The following RASEF variants were observed in gnomAD, a reference collection of about 807,000 sequenced individuals.
The protein encoded by RASEF is ras and EF-hand domain-containing protein.
RASEF carries 68 observed loss-of-function variants against 90.1 expected under a neutral mutation model. The observed-to-expected ratio is 0.75, with a 90% CI of 0.62 to 0.92. RASEF has a LOEUF of 0.92. Ranked by LOEUF, RASEF falls within the 40% of genes least tolerant of loss-of-function variation. RASEF has a pLI of 0.00. For synonymous variants in RASEF, 331 were observed against 345.2 expected, an observed-to-expected ratio of 0.96 and a Z score of 0.46; for missense variants, 949 against 937.2, an observed-to-expected ratio of 1.01 and a Z score of -0.16.
intron 1 of RASEF, among the ~76,000 whole-genome samples, chr9:83,039,512 C>G (rs1304529019): frequency 6.6e-6 from 1 of 152,144 alleles, no homozygotes; most frequent in African/African-American, 2.4e-5. Flanking sequence ...AAGAAGGCAA[C>G]AGTGTGAAGG....
intron 1 of RASEF, chr9:83,054,688 G>T (rs1227126839): frequency 2.9e-5 from 4 of 139,418 alleles, no homozygotes; most frequent in Non-Finnish European, 6.2e-5. Context: ...ATCTACTTTT[G>T]GTCTTTGATG....
the RASEF span, among the ~76,000 whole-genome samples, chr9:83,136,112 CAAT>C: frequency 6.6e-6 from 1 of 151,776 alleles, no homozygotes; most frequent in African/African-American, 2.4e-5. Context: ...TATATAAAAA[CAAT>C]AACAGTAAGA....
At chr9:83,079,232 A>T in the RASEF span, among the ~76,000 whole-genome samples, 3,140 of 152,160 alleles carry the variant, frequency 0.021, 89 homozygotes, top group African/African-American at 0.071. Flanking sequence ...TTTTGTATAG[A>T]GTGTAAGGAA....
chr9:83,121,311 A>G, the RASEF span, among the ~76,000 whole-genome samples: 1 of 152,222 alleles, frequency 6.6e-6, no homozygotes, highest in East Asian at 1.9e-4. Context: ...ATATCTAGAT[A>G]TGTTTCTATG....
At chr9:83,089,907 TAGATAGATAGATA>T in the RASEF span, among the ~76,000 whole-genome samples, 3 of 139,146 alleles carry the variant, frequency 2.2e-5, no homozygotes, top group Non-Finnish European at 4.9e-5. Context: ...GATAGATAGA[TAGATAGATAGATA>T]GATAGATAGA....
At chr9:83,032,801 G>A (rs1829670570) in intron 1 of RASEF, among the ~76,000 whole-genome samples, 1 of 152,248 alleles carries the variant, frequency 6.6e-6, no homozygotes, top group African/African-American at 2.4e-5. Context: ...TACCTAAGAT[G>A]TATAAAACTT....
chr9:83,085,864 G>T, the RASEF span, among the ~76,000 whole-genome samples: 1 of 152,098 alleles, frequency 6.6e-6, no homozygotes, highest in Non-Finnish European at 1.5e-5. Context: ...AGTGGAGGTT[G>T]CAGTGAGCTG....
chr9:82,995,130 C>T (rs1175689396), intron 14 of RASEF, among the ~76,000 whole-genome samples: 6 of 152,272 alleles, frequency 3.9e-5, no homozygotes, highest in Middle Eastern at 3.4e-3. Context: ...CATAGGAAAA[C>T]GTGATACCAA....
Position 83,062,591 on chromosome 9 carries a change from A to G in RASEF, c.277T>C (p.Ser93Pro), listed in dbSNP as rs1298468942. The change falls in exon 1 of 17, where the codon TCT becomes CCT. Residue 93 changes from serine to proline, a missense_variant. Around this residue, in one of 3 missense-constraint regions of RASEF, gnomAD observed 656 missense variants for 592.2 expected, o/e 1.11. Coordinates refer to ENST00000376447, the MANE Select transcript of RASEF (RefSeq NM_152573.4). ...WGPLDPAPAVSEAGPETHDSE... is the reference protein window; with the variant it reads ...WGPLDPAPAVPEAGPETHDSE... ...TCGTGTGTCTCCGGCCCCGCCTCAG[A>G]CACGGCGGGCGCGGGATCCAGAGGA... The G allele has an allele frequency of 3.8e-6, 6 of 1,579,708 alleles. No individual in the cohort carries two copies. The highest frequency in any genetic ancestry group is 5.1e-6 in the Non-Finnish European group (6 of 1,165,600).
chr9:83,049,636 C>G (rs866858161), intron 1 of RASEF, among the ~76,000 whole-genome samples: 1 of 145,684 alleles, frequency 6.9e-6, no homozygotes, highest in Admixed American at 6.7e-5. Context: ...GTGCGCTGCA[C>G]GCACTAACGT....
the RASEF span, among the ~76,000 whole-genome samples, chr9:83,111,334 C>T: frequency 6.6e-6 from 1 of 151,942 alleles, no homozygotes; most frequent in Non-Finnish European, 1.5e-5. Context: ...AGGGTGGTTA[C>T]CAGGGTTTGA....
chr9:83,183,517 C>T, the RASEF span, among the ~76,000 whole-genome samples: 2 of 152,092 alleles, frequency 1.3e-5, no homozygotes, highest in Non-Finnish European at 2.9e-5. Context: ...TATAAATGAA[C>T]ATGAGTTTTA....
chr9:83,041,315 TCAC>T (rs1430838932), intron 1 of RASEF, among the ~76,000 whole-genome samples: 3 of 152,234 alleles, frequency 2.0e-5, no homozygotes, highest in African/African-American at 7.2e-5. Flanking sequence ...AAAAGACATG[TCAC>T]CGAGTTTTAT....
At chr9:83,012,329 G>T in intron 5 of RASEF, 105 bp downstream of exon 5, 1 of 555,006 alleles carries the variant, frequency 1.8e-6, no homozygotes, top group Non-Finnish European at 3.1e-6. Flanking sequence ...TCTAACTACA[G>T]TATTAACTTC....
chr9:83,021,028 T>C (rs767887552), intron 3 of RASEF, among the ~76,000 whole-genome samples: 11 of 152,128 alleles, frequency 7.2e-5, no homozygotes, highest in Non-Finnish European at 1.5e-4. Context: ...TATAAGAAGA[T>C]AGGACAACAA....
At chr9:83,108,861 A>G in the RASEF span, among the ~76,000 whole-genome samples, 4,816 of 151,878 alleles carry the variant, frequency 0.032, 257 homozygotes, top group African/African-American at 0.11. Context: ...GTATCTATCA[A>G]TCCATTTGTT....
At chr9:83,128,740 A>G in the RASEF span, among the ~76,000 whole-genome samples, 1 of 152,108 alleles carries the variant, frequency 6.6e-6, no homozygotes, top group East Asian at 1.9e-4. Context: ...CTATAACACA[A>G]GTGGGCTGGG....
At chr9:83,026,083 G>T (rs1546317) in intron 1 of RASEF, among the ~76,000 whole-genome samples, 162 bp from the exon 2 acceptor site, 76,294 of 151,932 alleles carry the variant, frequency 0.5, 19,361 homozygotes, top group East Asian at 0.73. Flanking sequence ...AGGAGATATG[G>T]TTGGATTTTT....
chr9:83,006,479 G>T (rs538430394), intron 7 of RASEF, among the ~76,000 whole-genome samples: 2 of 152,134 alleles, frequency 1.3e-5, no homozygotes, highest in East Asian at 3.9e-4. Context: ...ACTGCCACAG[G>T]TGAGACTTAA....
Sources: allele counts gnomAD v4.1 joint callset (sites outside exome capture counted in the v4.1 genomes callset), GRCh38; gene constraint gnomAD v4.1.1; regional missense constraint gnomAD v4.1.1; transcripts MANE v1.5; gene names NCBI Gene and HGNC (gene_info 2026-07-23, HGNC 2026-07-21).